Variants in TMEM132C observed in about 807,000 individuals in gnomAD.
The protein encoded by TMEM132C is transmembrane protein 132C.
Under a neutral mutation model 61.4 loss-of-function variants are expected in TMEM132C, and 29 were observed. That is an observed-to-expected ratio of 0.47 (90% CI 0.35 to 0.64). TMEM132C has a LOEUF of 0.64. Ranked by LOEUF, TMEM132C falls within the 30% of genes least tolerant of loss-of-function variation. The pLI, the probability that TMEM132C is intolerant of heterozygous loss-of-function variation, is 0.00. For missense variants in TMEM132C, 1,408 were observed against 1,476.9 expected, an observed-to-expected ratio of 0.95 and a Z score of 0.76; for synonymous variants, 656 against 633.1, an observed-to-expected ratio of 1.04 and a Z score of -0.54.
chr12:128,368,403 T>C (rs1356476658), intron 1 of TMEM132C, among the ~76,000 whole-genome samples: 1 of 152,170 alleles, frequency 6.6e-6, no homozygotes, highest in Non-Finnish European at 1.5e-5. Context: ...CAGTCAATCT[T>C]GGGCACTTTA....
chr12:128,604,527 A>G (rs191939665), intron 3 of TMEM132C, among the ~76,000 whole-genome samples: 2 of 142,442 alleles, frequency 1.4e-5, no homozygotes, highest in Admixed American at 6.8e-5. Context: ...TAAATAATGG[A>G]TGGAAGATAG....
In TMEM132C at chr12:128,302,106, C is replaced by A. The variant is rs576521160; in HGVS notation, c.85+34619C>A. 2.0e-5 allele frequency among the ~76,000 whole-genome samples: 3 copies of A among 152,278 alleles called. No homozygotes were observed. The South Asian group carries it at 6.2e-4, about 32-fold the overall frequency. On this transcript the variant is annotated intron_variant, in intron 1 of 8. Transcript: ENST00000435159. ...GATGAGATTTGGGTGGGGACACAGCCAAACCACATCAGTTATAAATGGCTA... is the reference window on the plus strand; with the variant it reads ...GATGAGATTTGGGTGGGGACACAGCAAAACCACATCAGTTATAAATGGCTA...
intron 1 of TMEM132C, among the ~76,000 whole-genome samples, chr12:128,397,561 T>C (rs1162933702): frequency 6.6e-6 from 1 of 152,152 alleles, no homozygotes; most frequent in Admixed American, 6.5e-5. Context: ...TTGCTCTTAC[T>C]GTGGGTTTGC....
At chr12:128,608,772 C>A (rs764371944) in intron 3 of TMEM132C, among the ~76,000 whole-genome samples, 1 of 152,072 alleles carries the variant, frequency 6.6e-6, no homozygotes, top group Non-Finnish European at 1.5e-5. Context: ...GATAGTTTTT[C>A]TTTTAATTTC....
chr12:128,627,516 T>C (rs1954027264), intron 4 of TMEM132C, among the ~76,000 whole-genome samples: 1 of 152,202 alleles, frequency 6.6e-6, no homozygotes, highest in African/African-American at 2.4e-5. Flanking sequence ...TTGAGTCTCT[T>C]GCCTCCTAGT....
At chr12:128,301,794 G>C (rs1023844373) in intron 1 of TMEM132C, among the ~76,000 whole-genome samples, 32 of 152,144 alleles carry the variant, frequency 2.1e-4, no homozygotes, top group Non-Finnish European at 3.5e-4. Context: ...TAAAGACATA[G>C]CTGAGACTGG....
intron 2 of TMEM132C, among the ~76,000 whole-genome samples, chr12:128,459,511 C>T (rs914379164): frequency 2.6e-5 from 4 of 152,172 alleles, no homozygotes; most frequent in South Asian, 2.1e-4. Context: ...GAGCATGACT[C>T]GGAAGTCTCT....
chr12:128,421,144 C>T (rs977141876), intron 2 of TMEM132C, among the ~76,000 whole-genome samples: 29 of 152,222 alleles, frequency 1.9e-4, no homozygotes, highest in Middle Eastern at 3.4e-3. Flanking sequence ...ATCCATGAAC[C>T]ACCTCTCACC....
chr12:128,270,949 CA>C (rs1870493196), intron 1 of TMEM132C, among the ~76,000 whole-genome samples: 1 of 151,940 alleles, frequency 6.6e-6, no homozygotes, highest in Non-Finnish European at 1.5e-5. Context: ...CAAAGGCTCC[CA>C]ACATTTAAAA....
chr12:128,268,343 G>A (rs1375054091), intron 1 of TMEM132C, among the ~76,000 whole-genome samples: 2 of 152,220 alleles, frequency 1.3e-5, no homozygotes, highest in South Asian at 2.1e-4. Flanking sequence ...GTGTGCGGCC[G>A]AGTGGCCGCG....
chr12:128,511,174 A>G (rs1007364371), intron 2 of TMEM132C, among the ~76,000 whole-genome samples: 1 of 152,220 alleles, frequency 6.6e-6, no homozygotes, highest in African/African-American at 2.4e-5. Flanking sequence ...CTGCAGTCCC[A>G]AGTAGGAGCT....
At chr12:128,501,809 C>T (rs568134771) in intron 2 of TMEM132C, among the ~76,000 whole-genome samples, 3 of 152,186 alleles carry the variant, frequency 2.0e-5, no homozygotes, top group Non-Finnish European at 2.9e-5. Context: ...AGGCCCAAGT[C>T]GGTTACATGT....
chr12:128,403,541 A>G (rs1184258310), intron 1 of TMEM132C, among the ~76,000 whole-genome samples: 1 of 152,160 alleles, frequency 6.6e-6, no homozygotes, highest in East Asian at 1.9e-4. Context: ...TAACTGATGA[A>G]CACATTTGAA....
intron 2 of TMEM132C, among the ~76,000 whole-genome samples, chr12:128,491,375 G>A (rs937795568): frequency 2.6e-5 from 4 of 152,118 alleles, no homozygotes; most frequent in African/African-American, 4.8e-5. Flanking sequence ...TTTTGCTTCC[G>A]GCGGCCCTGC....
chr12:128,550,032 C>G (rs999621332), intron 3 of TMEM132C, among the ~76,000 whole-genome samples: 1 of 152,232 alleles, frequency 6.6e-6, no homozygotes, highest in Non-Finnish European at 1.5e-5. Context: ...ACCCTGGTTC[C>G]CGTTAAATCT....
At chr12:128,645,258 C>T (rs780521866) in intron 4 of TMEM132C, among the ~76,000 whole-genome samples, 1 of 152,186 alleles carries the variant, frequency 6.6e-6, no homozygotes, top group Non-Finnish European at 1.5e-5. Flanking sequence ...CCCTCTCTCA[C>T]GGCCTTGCCA....
chr12:128,528,568 A>G (rs1047966522), intron 2 of TMEM132C, among the ~76,000 whole-genome samples: 7 of 152,070 alleles, frequency 4.6e-5, no homozygotes, highest in Non-Finnish European at 1.0e-4. Context: ...AGAGTTTCTC[A>G]ACCTCAGTAC....
intron 1 of TMEM132C, among the ~76,000 whole-genome samples, chr12:128,347,978 A>C (rs572941801): frequency 1.3e-5 from 2 of 152,326 alleles, no homozygotes; most frequent in East Asian, 3.9e-4. Flanking sequence ...TTTCTACAAA[A>C]AGGCAGCTGG....
chr12:128,489,346 T>G, intron 2 of TMEM132C, among the ~76,000 whole-genome samples: 1 of 148,452 alleles, frequency 6.7e-6, no homozygotes. Flanking sequence ...AGGAAGAGGA[T>G]GGGGGAGAAA....
Sources: gnomAD v4.1 joint callset for allele counts (sites outside exome capture counted in the v4.1 genomes callset) on GRCh38, gnomAD v4.1.1 for gene constraint, MANE v1.5 for transcripts, NCBI Gene and HGNC (gene_info 2026-07-23, HGNC 2026-07-21) for gene names.